The following CLASP1 variants were observed in gnomAD, a reference collection of about 807,000 sequenced individuals.
CLASP1 encodes cytoplasmic linker associated protein 1, also known as CLIP-associating protein 1.
In CLASP1, 38 loss-of-function variants were observed where a neutral mutation model predicts 192.3. The ratio of observed to expected loss-of-function variants is 0.20; its 90% confidence interval spans 0.15 to 0.26. The LOEUF is 0.26. Ranked by LOEUF, CLASP1 falls within the 10% of genes least tolerant of loss-of-function variation. CLASP1 has a pLI of 1.00. For missense variants in CLASP1, 1,433 were observed against 1,932.5 expected (o/e 0.74, Z 4.85); for synonymous variants, 691 against 712.8 (o/e 0.97, Z 0.49).
intron 2 of CLASP1, among the ~76,000 whole-genome samples, chr2:121,536,231 A>T (rs1334341004): frequency 6.6e-6 from 1 of 151,642 alleles, no homozygotes; most frequent in Non-Finnish European, 1.5e-5. Flanking sequence ...AATACAAAAA[A>T]TTAGCCGGGC....
intron 2 of CLASP1, among the ~76,000 whole-genome samples, chr2:121,572,357 C>T (rs551567532): frequency 4.6e-5 from 7 of 152,188 alleles, no homozygotes; most frequent in South Asian, 2.1e-4. Context: ...GAACCCGGGA[C>T]GCGGAGATTG....
chr2:121,440,753 A>G (rs2083182459), intron 19 of CLASP1, among the ~76,000 whole-genome samples: 3 of 152,110 alleles, frequency 2.0e-5, no homozygotes, highest in Admixed American at 2.0e-4. Context: ...CTGTATTATA[A>G]TCTATTAAGT....
intron 1 of CLASP1, among the ~76,000 whole-genome samples, chr2:121,639,455 G>C (rs1322400274): frequency 6.6e-6 from 1 of 152,154 alleles, no homozygotes; most frequent in Admixed American, 6.5e-5. Context: ...GGGAGTTATT[G>C]CTTAATGGCT....
Position 121,479,081 on chromosome 2 carries a change from A to G in CLASP1, c.713-9121T>C, listed in dbSNP as rs147477802. On this transcript the variant is annotated intron_variant, in intron 8 of 39. Transcript: ENST00000263710. ...CCACACACACACACACACACCATCA[A>G]CAACATGGTGAAAGACCGGATGCTT... is the stretch of plus-strand genomic sequence containing the variant. Among the ~76,000 whole-genome samples the G allele has an allele frequency of 2.5e-3, 314 of 124,878 alleles. 3 individuals carry two copies. Among genetic ancestry groups the G allele is most frequent in the Non-Finnish European group, 4.3e-3 (252 of 58,534 alleles). The allele number at this position is 124,878 out of a possible 152,430, so 81.9% of individuals were successfully genotyped here.
intron 34 of CLASP1, among the ~76,000 whole-genome samples, chr2:121,375,584 G>A (rs1182064252): frequency 3.9e-5 from 6 of 152,076 alleles, no homozygotes; most frequent in African/African-American, 1.4e-4. Context: ...GGATGGTCTC[G>A]ATCTCTTGAC....
chr2:121,606,448 C>A (rs1366075632), intron 1 of CLASP1, among the ~76,000 whole-genome samples: 2 of 152,148 alleles, frequency 1.3e-5, no homozygotes, highest in African/African-American at 4.8e-5. Context: ...TGTAAATGCA[C>A]CAGACAGGAA....
chr2:121,425,543 T>G (rs1380583875), intron 21 of CLASP1, among the ~76,000 whole-genome samples: 1 of 152,206 alleles, frequency 6.6e-6, no homozygotes, highest in Non-Finnish European at 1.5e-5. Flanking sequence ...TATTCCACAG[T>G]AAATAACTAC....
At chr2:121,418,873 T>A in intron 22 of CLASP1, 144 bp from the exon 23 acceptor site, 1 of 628,004 alleles carries the variant, frequency 1.6e-6, no homozygotes, top group South Asian at 1.9e-5. Context: ...CACCTATCCA[T>A]GCTGAGGTCT....
chr2:121,507,808 A>G (rs545776937), intron 7 of CLASP1, among the ~76,000 whole-genome samples: 106 of 152,344 alleles, frequency 7.0e-4, no homozygotes, highest in African/African-American at 2.5e-3. Flanking sequence ...GGGATCCTCA[A>G]AAAGGTCAAT....
intron 8 of CLASP1, among the ~76,000 whole-genome samples, chr2:121,502,678 T>C (rs1194258051): frequency 1.3e-5 from 2 of 152,154 alleles, no homozygotes; most frequent in Admixed American, 6.5e-5. Flanking sequence ...CAGTGGGCCA[T>C]GGTGAGTTGG....
At chr2:121,557,917 C>A (rs1559608063) in intron 2 of CLASP1, among the ~76,000 whole-genome samples, 1 of 151,538 alleles carries the variant, frequency 6.6e-6, no homozygotes, top group Non-Finnish European at 1.5e-5. Context: ...CCCGTCTCTA[C>A]TAAAAATACT....
chr2:121,397,058 C>T (rs1273637311), intron 30 of CLASP1, 82 bp downstream of exon 31: 20 of 1,437,164 alleles, frequency 1.4e-5, no homozygotes, highest in African/African-American at 9.9e-5. Flanking sequence ...GTGGGTGGCA[C>T]GGTTTTCAAG....
intron 1 of CLASP1, among the ~76,000 whole-genome samples, chr2:121,645,637 T>G (rs766409721): frequency 2.6e-5 from 4 of 152,172 alleles, no homozygotes; most frequent in African/African-American, 7.2e-5. Flanking sequence ...GAAGAGTAAA[T>G]GCACAAGAGT....
intron 8 of CLASP1, among the ~76,000 whole-genome samples, chr2:121,478,713 CA>C (rs2092031988): frequency 1.7e-5 from 1 of 59,974 alleles, no homozygotes; most frequent in Non-Finnish European, 3.4e-5. Context: ...ACCCCACACA[CA>C]CAACCACACA....
chr2:121,508,232 CA>C (rs111956780), intron 7 of CLASP1, among the ~76,000 whole-genome samples: 4 of 151,674 alleles, frequency 2.6e-5, no homozygotes, highest in Admixed American at 6.6e-5. Flanking sequence ...ATGACAATAG[CA>C]AAAAAAGAAG....
At chr2:121,614,526 A>G (rs1360854792) in intron 1 of CLASP1, among the ~76,000 whole-genome samples, 1 of 152,122 alleles carries the variant, frequency 6.6e-6, no homozygotes, top group Non-Finnish European at 1.5e-5. Context: ...AAACAAAAAC[A>G]AAAGTGTGAG....
At position 121,384,497 on chromosome 2, in the gene CLASP1, A is replaced by T. The variant is rs2072734519; in HGVS notation, c.3375-2173T>A. Among the ~76,000 whole-genome samples, 4 of 152,164 alleles carry T rather than the reference A, an allele frequency of 2.6e-5. No individual in the cohort carries two copies. The South Asian group carries it at 8.3e-4, about 32-fold the overall frequency. On this transcript the variant is annotated intron_variant, in intron 32 of 39. Transcript: ENST00000263710. ...GTCACGGTGTCCAGCCACTAGTGAT[A>T]TTTTTAAACAATTATCAGATTTATC...
rs35155528 is a variant in CLASP1, at chr2:121,641,332, TA to T, written c.-286+8039del. Among the ~76,000 whole-genome samples the T allele has an allele frequency of 3.2e-3, 422 of 130,714 alleles. 2 individuals carry two copies. The highest frequency in any genetic ancestry group is 6.9e-3 in the African/African-American group (249 of 35,864). The allele number at this position is 130,714 out of a possible 152,430, so 85.8% of individuals were successfully genotyped here. A position where few individuals can be genotyped will look rare whatever the true frequency, so the allele number is the denominator to read the frequency against. On this transcript the variant is annotated intron_variant, in intron 1 of 39. Transcript: ENST00000263710. ...CCCCAGAAGCACTTGGGGAACCTGT[TA>T]AAAAAAAAAAAAAAACAGGTATCGC... is the stretch of plus-strand genomic sequence containing the variant.
intron 24 of CLASP1, among the ~76,000 whole-genome samples, chr2:121,409,361 TTCTG>T (rs377717106): frequency 1.8e-4 from 27 of 152,316 alleles, no homozygotes; most frequent in African/African-American, 6.5e-4. Context: ...CTCTGAGACA[TTCTG>T]TCTGGCGCCG....
Sources: allele counts gnomAD v4.1 joint callset (sites outside exome capture counted in the v4.1 genomes callset), GRCh38; gene constraint gnomAD v4.1.1; transcripts MANE v1.5; gene names NCBI Gene and HGNC (gene_info 2026-07-23, HGNC 2026-07-21).